The following PCNX2 variants were observed in gnomAD, a reference collection of about 807,000 sequenced individuals.
PCNX2 encodes the protein pecanex-like protein 2.
PCNX2 carries 168 observed loss-of-function variants against 223.8 expected under a neutral mutation model. That is an observed-to-expected ratio of 0.75 (90% CI 0.66 to 0.85). The LOEUF is 0.85. Ranked by LOEUF, PCNX2 falls within the 40% of genes least tolerant of loss-of-function variation. The pLI, the probability that PCNX2 is intolerant of heterozygous loss-of-function variation, is 0.00. For missense variants in PCNX2, 2,507 were observed against 2,675.5 expected, an observed-to-expected ratio of 0.94 and a Z score of 1.39; for synonymous variants, 1,006 against 1,052.6, an observed-to-expected ratio of 0.96 and a Z score of 0.86.
chr1:233,260,124 T>A (rs1056984478), intron 4 of PCNX2, among the ~76,000 whole-genome samples: 17 of 152,168 alleles, frequency 1.1e-4, no homozygotes, highest in Non-Finnish European at 1.5e-5. Context: ...GTATCTTTTA[T>A]AAGATTTGAC....
chr1:233,187,934 T>C (rs1680200196), intron 15 of PCNX2, among the ~76,000 whole-genome samples: 1 of 152,138 alleles, frequency 6.6e-6, no homozygotes, highest in South Asian at 2.1e-4. Flanking sequence ...AAAACTTAGG[T>C]TTTACTTTCA....
intron 8 of PCNX2, among the ~76,000 whole-genome samples, chr1:233,244,576 G>A (rs183162825): frequency 1.3e-5 from 2 of 152,190 alleles, no homozygotes; most frequent in Non-Finnish European, 2.9e-5. Context: ...GCCAGGTGTG[G>A]TGGTGCATGC....
chr1:233,209,788 T>G (rs534722026), intron 12 of PCNX2, among the ~76,000 whole-genome samples: 142 of 152,332 alleles, frequency 9.3e-4, no homozygotes, highest in African/African-American at 3.3e-3. Flanking sequence ...AACTAGGTCA[T>G]AGATTAATGG....
chr1:233,237,011 AC>A (rs1558378253), intron 8 of PCNX2, 31 bp from the exon 9 acceptor site: 1 of 1,612,612 alleles, frequency 6.2e-7, no homozygotes, highest in East Asian at 2.2e-5. Flanking sequence ...AGCTTTGGTT[AC>A]CTGGTAATAC....
At chr1:233,263,195 T>C in intron 1 of PCNX2, 32 bp from the exon 2 acceptor site, 6 of 1,511,954 alleles carry the variant, frequency 4.0e-6, no homozygotes, top group Non-Finnish European at 5.4e-6. Context: ...GAAAAATCAT[T>C]TGCTTTTAAG....
chr1:233,235,611 T>C (rs1658337877), intron 9 of PCNX2, among the ~76,000 whole-genome samples: 1 of 152,110 alleles, frequency 6.6e-6, no homozygotes, highest in Non-Finnish European at 1.5e-5. Context: ...TTTGTTTGTT[T>C]GTTTGTTTGA....
rs1676677743 is a variant in PCNX2, at chr1:233,134,270, C to T, written c.3837+743G>A. On this transcript the variant is annotated intron_variant, in intron 21 of 33. Transcript: ENST00000258229. The stretch of plus-strand genomic sequence containing the variant: ...CCAAATTTCTTTCTATTTCTGCTTA[C>T]AAACGTAGGTTTCATTACAGTGATC... Among the ~76,000 whole-genome samples the T allele has an allele frequency of 3.3e-5, 5 of 152,164 alleles. No individual in the cohort carries two copies. The South Asian group carries it at 1.0e-3, about 31-fold the overall frequency.
rs374227091 is a variant in PCNX2, at chr1:233,190,925, C to T, written c.3066+8014G>A. Among the ~76,000 whole-genome samples, 74 of 152,238 alleles carry T rather than the reference C, an allele frequency of 4.9e-4. 3 individuals carry two copies. The South Asian group carries it at 0.012, about 24-fold the overall frequency. ...TGACTGTAATATCTCCTGGGCAGCCCGAGGTACTACTGACCTCAGTTAGAA... is the reference window on the plus strand; with the variant it reads ...TGACTGTAATATCTCCTGGGCAGCCTGAGGTACTACTGACCTCAGTTAGAA... On this transcript the variant is annotated intron_variant, in intron 15 of 33. Transcript: ENST00000258229.
the PCNX2 span, among the ~76,000 whole-genome samples, chr1:233,315,190 C>T: frequency 1.3e-5 from 2 of 152,070 alleles, no homozygotes; most frequent in African/African-American, 4.8e-5. Context: ...TCCGCATTCA[C>T]ATATAAGAGA....
intron 17 of PCNX2, among the ~76,000 whole-genome samples, chr1:233,165,798 G>C (rs1450925940): frequency 1.3e-5 from 2 of 152,054 alleles, no homozygotes; most frequent in Non-Finnish European, 2.9e-5. Flanking sequence ...TCACAAAACT[G>C]ATTGATAAAT....
the PCNX2 span, among the ~76,000 whole-genome samples, chr1:233,320,876 C>G: frequency 2.0e-5 from 3 of 152,156 alleles, no homozygotes; most frequent in African/African-American, 7.2e-5. Flanking sequence ...AGTTGTTGAG[C>G]TCATATTAGC....
intron 19 of PCNX2, among the ~76,000 whole-genome samples, chr1:233,151,869 A>G (rs1170964161): frequency 6.6e-6 from 1 of 152,140 alleles, no homozygotes; most frequent in Non-Finnish European, 1.5e-5. Context: ...GAGATGGGGT[A>G]CAGGCGTGAG....
intron 26 of PCNX2, among the ~76,000 whole-genome samples, chr1:233,020,858 T>C (rs1358418767): frequency 6.6e-6 from 1 of 152,228 alleles, no homozygotes; most frequent in Admixed American, 6.5e-5. Flanking sequence ...CCCAGTTTAT[T>C]AGGAGATTTC....
At chr1:233,172,328 C>T (rs945671934) in intron 17 of PCNX2, 117 of 980,364 alleles carry the variant, frequency 1.2e-4, no homozygotes, top group Non-Finnish European at 1.4e-4. Context: ...TTGTTTCTGC[C>T]ATGAGGCGTT....
intron 26 of PCNX2, among the ~76,000 whole-genome samples, chr1:233,022,992 G>A (rs941504559): frequency 3.3e-5 from 5 of 151,946 alleles, no homozygotes; most frequent in African/African-American, 7.3e-5. Context: ...CCACTGCGCC[G>A]GGATGAGTCT....
At chr1:233,089,440 C>T (rs1182351702) in intron 23 of PCNX2, among the ~76,000 whole-genome samples, 2 of 152,158 alleles carry the variant, frequency 1.3e-5, no homozygotes, top group South Asian at 2.1e-4. Flanking sequence ...GAGGTCTTTA[C>T]GGTTATTTGG....
intron 9 of PCNX2, among the ~76,000 whole-genome samples, chr1:233,236,499 G>A (rs1658421871): frequency 6.7e-6 from 1 of 149,920 alleles, no homozygotes; most frequent in African/African-American, 2.5e-5. Flanking sequence ...AAAAAAAAAA[G>A]ATACTTTCCA....
chr1:233,088,775 T>C (rs1021749613), intron 23 of PCNX2, among the ~76,000 whole-genome samples: 1 of 152,146 alleles, frequency 6.6e-6, no homozygotes, highest in African/African-American at 2.4e-5. Context: ...AAACACCTAC[T>C]AGCATGGGTC....
chr1:232,985,750 G>A (rs538992444), intron 33 of PCNX2: 2 of 559,692 alleles, frequency 3.6e-6, no homozygotes, highest in East Asian at 5.8e-5. Flanking sequence ...AATCATGTGA[G>A]AAGAGTCCTG....
Sources: gnomAD v4.1 joint callset for allele counts (sites outside exome capture counted in the v4.1 genomes callset) on GRCh38, gnomAD v4.1.1 for gene constraint, MANE v1.5 for transcripts, NCBI Gene and HGNC (gene_info 2026-07-23, HGNC 2026-07-21) for gene names.